The following PCDHGC3 variants were observed in gnomAD, a reference collection of about 807,000 sequenced individuals.
PCDHGC3 encodes protocadherin gamma subfamily C, 3.
In PCDHGC3, 26 loss-of-function variants were observed where a neutral mutation model predicts 59.2. That is an observed-to-expected ratio of 0.44 (90% CI 0.32 to 0.61). The LOEUF (loss-of-function observed/expected upper bound fraction) is 0.61, where lower values mean the gene tolerates loss of function less well. PCDHGC3 is among the 20% of genes least tolerant of loss of function. PCDHGC3 has a pLI of 0.05. For synonymous variants in PCDHGC3, 487 were observed against 519.7 expected (o/e 0.94, Z 0.86); for missense variants, 1,080 against 1,221.8 (o/e 0.88, Z 1.73).
chr5:141,508,740 C>G (rs2099871405), intron 3 of PCDHGC3, among the ~76,000 whole-genome samples: 1 of 152,006 alleles, frequency 6.6e-6, no homozygotes. Flanking sequence ...CACCCCCCAC[C>G]CCGCTCTTTC....
At position 141,489,985 on chromosome 5, in the gene PCDHGC3, G is replaced by A. The variant is rs761481986; in HGVS notation, c.2431-4822G>A. ...AACCTTCCAATCCTCAGTTCTACGT[G>A]TGGGAATCCCAGAGAATGCACCCAT... On this transcript the variant is annotated intron_variant, in intron 1 of 3. Transcript: ENST00000308177. The surrounding 1 kb of genome is among the most constrained non-coding windows in gnomAD (Gnocchi z 4.5). The A allele has an allele frequency of 1.2e-6, 2 of 1,614,094 alleles. No homozygotes were observed. Among genetic ancestry groups the A allele is most frequent in the African/African-American group, 2.7e-5 (2 of 74,946 alleles).
chr5:141,499,322 T>C (rs1186220818), intron 2 of PCDHGC3, among the ~76,000 whole-genome samples: 1 of 152,218 alleles, frequency 6.6e-6, no homozygotes, highest in Non-Finnish European at 1.5e-5. Context: ...ACAGTATCCC[T>C]GCTCTCTCTC....
Position 141,510,362 on chromosome 5 carries a change from C to T in PCDHGC3, c.2579-585C>T, listed in dbSNP as rs74321279. Among the ~76,000 whole-genome samples the T allele has an allele frequency of 2.0e-4, 29 of 142,136 alleles. No homozygotes were observed. In the East Asian group the frequency reaches 5.7e-3, roughly 28 times the overall value. The allele number at this position is 142,136 out of a possible 152,430, so 93.2% of individuals were successfully genotyped here. A position where few individuals can be genotyped will look rare whatever the true frequency, so the allele number is the denominator to read the frequency against. On this transcript the variant is annotated intron_variant, in intron 3 of 3. Coordinates refer to ENST00000308177, the MANE Select transcript of PCDHGC3 (RefSeq NM_002588.4). ...CCCACACACTTACTAACGGAACTAC[C>T]GAATCTCTACTCGTGCCAGGCCTTG... is the stretch of plus-strand genomic sequence containing the variant.
chr5:141,494,996 C>A (rs2099758091), intron 2 of PCDHGC3, 131 bp downstream of exon 2: 2 of 1,539,742 alleles, frequency 1.3e-6, no homozygotes, highest in African/African-American at 1.4e-5. Context: ...CCAGGGAGGT[C>A]TTGGTGTGCG....
chr5:141,489,447 G>A lies in PCDHGC3; in HGVS notation c.2431-5360G>A. The A allele has an allele frequency of 5.6e-6, 9 of 1,614,134 alleles. No homozygotes were observed. The highest frequency in any genetic ancestry group is 7.6e-6 in the Non-Finnish European group (9 of 1,180,028). ...GCCGGCGGCTGCAATTGGGCTCTGA[G>A]GAGAATGGGCGCTATTTTTCCCTGA... On this transcript the variant is annotated intron_variant, in intron 1 of 3. Coordinates refer to ENST00000308177, the MANE Select transcript of PCDHGC3 (RefSeq NM_002588.4). This position sits in a 1 kb window ranked among gnomAD's most constrained non-coding sequence, Gnocchi z 4.5.
chr5:141,511,082 C>T lies in PCDHGC3; in HGVS notation c.2714C>T (p.Thr905Ile). Residue 905 changes from threonine to isoleucine, a missense_variant, in exon 4 of 4, where the codon ACA (threonine) becomes ATA (isoleucine). By Grantham distance (89) the Thr-to-Ile change is moderately conservative. Transcript: ENST00000308177. ...QNVYIPGSNA[T>I]LTNAAGKRDG... ...GTCTACATCCCAGGCAGCAATGCCA[C>T]ACTGACCAACGCAGCTGGCAAGCGG... 1 of 1,614,224 alleles carries T rather than the reference C, an allele frequency of 6.2e-7. No individual in the cohort carries two copies. Among genetic ancestry groups the T allele is most frequent in the Non-Finnish European group, 8.5e-7 (1 of 1,180,028 alleles).
Position 141,477,289 on chromosome 5 carries a change from T to G in PCDHGC3, c.1173T>G (p.Val391=), listed in dbSNP as rs759477848. Residue 391 remains valine, a synonymous_variant, in exon 1 of 4, where the codon GTT becomes GTG. Coordinates refer to ENST00000308177, the MANE Select transcript of PCDHGC3 (RefSeq NM_002588.4). The surrounding 1 kb of genome is among the most constrained non-coding windows in gnomAD (Gnocchi z 4.9). ...AGAACGGGCTGGTGACCTGCGAAGT[T>G]CCACCGGGTCTCCCTTTCAGCCTTA... ...AGENGLVTCE[V]PPGLPFSLTS... The G allele has an allele frequency of 3.2e-5, 52 of 1,614,046 alleles. No individual in the cohort carries two copies. Among genetic ancestry groups the G allele is most frequent in the Non-Finnish European group, 4.2e-5 (50 of 1,180,040 alleles).
At position 141,487,030 on chromosome 5, in the gene PCDHGC3, T is replaced by C. The variant is rs773121109; in HGVS notation, c.2431-7777T>C. Reference sequence around the variant, plus strand: ...TGGAGGCCCCAGATCCCAGCCTGTTTGCAGTCTCTCGATATGCTGGGGAGG... The same window carrying C: ...TGGAGGCCCCAGATCCCAGCCTGTTCGCAGTCTCTCGATATGCTGGGGAGG... On this transcript the variant is annotated intron_variant, in intron 1 of 3. Coordinates refer to ENST00000308177, the MANE Select transcript of PCDHGC3 (RefSeq NM_002588.4). The surrounding 1 kb of genome is among the most constrained non-coding windows in gnomAD (Gnocchi z 5.0). 12 of 1,614,100 alleles carry C rather than the reference T, an allele frequency of 7.4e-6. No homozygotes were observed. Among genetic ancestry groups the C allele is most frequent in the Non-Finnish European group, 1.0e-5 (12 of 1,180,044 alleles).
In PCDHGC3 at chr5:141,477,073, G is replaced by A. The variant is rs755445666; in HGVS notation, c.957G>A (p.Glu319=). The A allele has an allele frequency of 1.2e-6, 2 of 1,614,264 alleles. No homozygotes were observed. The highest frequency in any genetic ancestry group is 2.2e-5 in the East Asian group (1 of 44,882). Residue 319 remains glutamate, a synonymous_variant, in exon 1 of 4, where the codon GAG becomes GAA. Coordinates refer to ENST00000308177, the MANE Select transcript of PCDHGC3 (RefSeq NM_002588.4). This position sits in a 1 kb window ranked among gnomAD's most constrained non-coding sequence, Gnocchi z 4.9. ...RLDFEDTKLH[E]IYIQAKDKGA... is the part of the protein sequence containing the mutation. ...ACTTCGAGGACACCAAACTCCATGA[G>A]ATTTACATCCAGGCCAAAGACAAGG...
At position 141,489,910 on chromosome 5, in the gene PCDHGC3, G is replaced by T; in HGVS notation, c.2431-4897G>T. ...GGATGGGGGGACCCCAGCCCGCTCA[G>T]GGACCACCCTTATCTCTGTCATCGT... On this transcript the variant is annotated intron_variant, in intron 1 of 3. Transcript: ENST00000308177. This position sits in a 1 kb window ranked among gnomAD's most constrained non-coding sequence, Gnocchi z 4.5. 1 of 1,614,226 alleles carries T rather than the reference G, an allele frequency of 6.2e-7. No homozygotes were observed. The highest frequency in any genetic ancestry group is 8.5e-7 in the Non-Finnish European group (1 of 1,180,030).
chr5:141,486,828 G>A lies in PCDHGC3; in HGVS notation c.2431-7979G>A, dbSNP rs140257646. 77 of 1,614,218 alleles carry A rather than the reference G, an allele frequency of 4.8e-5. 1 individual carries two copies. In the East Asian group the frequency reaches 1.2e-3, roughly 26 times the overall value. On this transcript the variant is annotated intron_variant, in intron 1 of 3. Transcript: ENST00000308177. This position sits in a 1 kb window ranked among gnomAD's most constrained non-coding sequence, Gnocchi z 5.0. ...CCCCTTAGCAGCACTGTAACAGTTCGTCTATTTGTGCTGGACCTCAATGAC... is the reference window on the plus strand; with the variant it reads ...CCCCTTAGCAGCACTGTAACAGTTCATCTATTTGTGCTGGACCTCAATGAC...
intron 2 of PCDHGC3, among the ~76,000 whole-genome samples, chr5:141,501,009 C>T (rs2099804715): frequency 2.0e-5 from 3 of 152,040 alleles, no homozygotes; most frequent in Non-Finnish European, 4.4e-5. Context: ...GCTGGGACTA[C>T]AGGCACGCGC....
In PCDHGC3 at chr5:141,477,125, A is replaced by G; in HGVS notation, c.1009A>G (p.Lys337Glu). The G allele has an allele frequency of 2.5e-6, 4 of 1,614,212 alleles. No individual in the cohort carries two copies. The highest frequency in any genetic ancestry group is 3.4e-6 in the Non-Finnish European group (4 of 1,180,036). Residue 337 changes from lysine (K) to glutamate (E), a missense_variant, in exon 1 of 4, where the codon AAA (lysine) becomes GAA (glutamate). By Grantham distance (56) the Lys-to-Glu change is moderately conservative. Transcript: ENST00000308177. This position sits in a 1 kb window ranked among gnomAD's most constrained non-coding sequence, Gnocchi z 4.9. ...CGCCAATCCCGAAGGAGCACATTGC[A>G]AAGTGTTGGTGGAGGTTGTGGATGT... Reference protein sequence around the residue: ...KGANPEGAHCKVLVEVVDVND... With the variant: ...KGANPEGAHCEVLVEVVDVND...
At position 141,478,443 on chromosome 5, in the gene PCDHGC3, C is replaced by T. The variant is rs2099456258; in HGVS notation, c.2327C>T (p.Pro776Leu). Residue 776 changes from proline to leucine, a missense_variant, in exon 1 of 4, where the codon CCT (proline) becomes CTT (leucine). By Grantham distance (98) the Pro-to-Leu change is moderately conservative (BLOSUM62 -3). Coordinates refer to ENST00000308177, the MANE Select transcript of PCDHGC3 (RefSeq NM_002588.4). ...SRRSDPLLKK[P>L]GAASPLASRQ... ...CGCAGCGACCCGCTGCTGAAGAAACCTGGTGCAGCCAGTCCACTGGCCAGC... is the reference window on the plus strand; with the variant it reads ...CGCAGCGACCCGCTGCTGAAGAAACTTGGTGCAGCCAGTCCACTGGCCAGC... 1.9e-6 allele frequency: 3 copies of T among 1,613,494 alleles called. No individual in the cohort carries two copies. The highest frequency in any genetic ancestry group is 1.7e-5 in the Admixed American group (1 of 59,992).
chr5:141,486,879 G>A lies in PCDHGC3; in HGVS notation c.2431-7928G>A, dbSNP rs1371072899. 7 of 1,614,228 alleles carry A rather than the reference G, an allele frequency of 4.3e-6. No homozygotes were observed. Among genetic ancestry groups the A allele is most frequent in the Non-Finnish European group, 4.2e-6 (5 of 1,180,046 alleles). On this transcript the variant is annotated intron_variant, in intron 1 of 3. Coordinates refer to ENST00000308177, the MANE Select transcript of PCDHGC3 (RefSeq NM_002588.4). The surrounding 1 kb of genome is among the most constrained non-coding windows in gnomAD (Gnocchi z 5.0). Reference sequence around the variant, plus strand: ...AATGCTCCAGCTGTGCTCCGTCCTCGGGCCCGGCCTGGTTCCTTATGTCCC... The same window carrying A: ...AATGCTCCAGCTGTGCTCCGTCCTCAGGCCCGGCCTGGTTCCTTATGTCCC...
rs748828282 is a variant in PCDHGC3 at position 141,491,412 on chromosome 5, C to T, written c.2431-3395C>T. The T allele has an allele frequency of 3.1e-6, 5 of 1,613,944 alleles. No homozygotes were observed. The African/African-American group carries it at 5.3e-5, about 17-fold the overall frequency. Reference sequence around the variant, plus strand: ...GCCTTCAGGGAAACGCAGACGGGGACGGGGGTGGAGGGCAGTGCTGCAGGC... The same window carrying T: ...GCCTTCAGGGAAACGCAGACGGGGATGGGGGTGGAGGGCAGTGCTGCAGGC... On this transcript the variant is annotated intron_variant, in intron 1 of 3. Coordinates refer to ENST00000308177, the MANE Select transcript of PCDHGC3 (RefSeq NM_002588.4). The surrounding 1 kb of genome is among the most constrained non-coding windows in gnomAD (Gnocchi z 6.9).
chr5:141,477,978 T>A lies in PCDHGC3; in HGVS notation c.1862T>A (p.Ile621Lys). ...TCCCCTAACCAGAGCCTTTTTGCCA[T>A]AGGGCTGCACACTGGTCAAATCAGT... is the stretch of plus-strand genomic sequence containing the variant. ...LGSPNQSLFA[I>K]GLHTGQISTA... The change falls in exon 1 of 4, where the codon ATA becomes AAA. Residue 621 changes from isoleucine (I) to lysine (K), a missense_variant. By Grantham distance (102) the Ile-to-Lys change is moderately radical. Transcript: ENST00000308177. The surrounding 1 kb of genome is among the most constrained non-coding windows in gnomAD (Gnocchi z 4.9). The A allele has an allele frequency of 6.2e-7, 1 of 1,614,120 alleles. No individual in the cohort carries two copies. Among genetic ancestry groups the A allele is most frequent in the Non-Finnish European group, 8.5e-7 (1 of 1,180,022 alleles).
At position 141,489,397 on chromosome 5, in the gene PCDHGC3, G is replaced by A. The variant is rs1307106048; in HGVS notation, c.2431-5410G>A. 2.5e-6 allele frequency: 4 copies of A among 1,614,058 alleles called. No homozygotes were observed. The highest frequency in any genetic ancestry group is 2.7e-5 in the African/African-American group (2 of 74,914). ...GGTGGGGAATGTTGCTCAGGATCTG[G>A]GCTTAAAGATGACAGATCTGTTGAG... On this transcript the variant is annotated intron_variant, in intron 1 of 3. Transcript: ENST00000308177. This position sits in a 1 kb window ranked among gnomAD's most constrained non-coding sequence, Gnocchi z 4.5.
chr5:141,490,088 ACCACAC>A lies in PCDHGC3; in HGVS notation c.2431-4718_2431-4713del. On this transcript the variant is annotated intron_variant, in intron 1 of 3. Transcript: ENST00000308177. The surrounding 1 kb of genome is among the most constrained non-coding windows in gnomAD (Gnocchi z 5.4). The stretch of plus-strand genomic sequence containing the variant: ...GGCCAACTAGACTATTCTTTTGGAG[ACCACAC>A]ATCTGAGGCAGTGCGGAACCTCTTT... The A allele has an allele frequency of 6.2e-7, 1 of 1,614,190 alleles. No homozygotes were observed. Among genetic ancestry groups the A allele is most frequent in the Non-Finnish European group, 8.5e-7 (1 of 1,180,004 alleles).
Sources: allele counts gnomAD v4.1 joint callset (sites outside exome capture counted in the v4.1 genomes callset), GRCh38; gene constraint gnomAD v4.1.1; non-coding constraint Gnocchi (gnomAD v3.1); transcripts MANE v1.5; gene names NCBI Gene and HGNC (gene_info 2026-07-23, HGNC 2026-07-21).